Variants in SLC9C1 observed in about 807,000 individuals in gnomAD.
The protein encoded by SLC9C1 is solute carrier family 9 member C1.
A neutral mutation model predicts 140.9 loss-of-function variants in SLC9C1; 97 were observed. That is an observed-to-expected ratio of 0.69 (90% CI 0.58 to 0.82). SLC9C1 has a LOEUF of 0.82. SLC9C1 is among the 40% of genes least tolerant of loss of function. SLC9C1 has a pLI of 0.00. For missense variants in SLC9C1, 1,340 were observed against 1,389.3 expected (o/e 0.96, Z 0.56); for synonymous variants, 440 against 442.6 (o/e 0.99, Z 0.07).
intron 26 of SLC9C1, among the ~76,000 whole-genome samples, chr3:112,158,155 G>T (rs1180237524): frequency 2.6e-5 from 4 of 151,840 alleles, no homozygotes; most frequent in Non-Finnish European, 5.9e-5. Context: ...TTGAGGGTTT[G>T]CCACATATGT....
intron 26 of SLC9C1, among the ~76,000 whole-genome samples, chr3:112,163,578 G>A (rs555898763): frequency 0.025 from 3,743 of 152,046 alleles, 61 homozygotes; most frequent in Non-Finnish European, 0.034. Flanking sequence ...ATAGTTGAGC[G>A]GTTTTGAGTG....
At chr3:112,156,159 C>G (rs1053571150) in intron 26 of SLC9C1, among the ~76,000 whole-genome samples, 1 of 152,054 alleles carries the variant, frequency 6.6e-6, no homozygotes, top group Admixed American at 6.6e-5. Context: ...TCTCCTTTCC[C>G]TTTCCTTCTC....
At chr3:112,204,065 T>C (rs140759290) in intron 17 of SLC9C1, among the ~76,000 whole-genome samples, 153 bp downstream of exon 17, 1 of 152,120 alleles carries the variant, frequency 6.6e-6, no homozygotes, top group African/African-American at 2.4e-5. Context: ...TGAAATGTTA[T>C]GAAACTTAAT....
intron 17 of SLC9C1, 137 bp downstream of exon 17, chr3:112,204,081 A>AAAGG (rs1269912177): frequency 2.0e-6 from 2 of 992,950 alleles, no homozygotes; most frequent in African/African-American, 3.4e-5. Context: ...TTAATTTGCC[A>AAAGG]AAGGAAGCTA....
At chr3:112,155,463 A>G (rs1316293141) in intron 26 of SLC9C1, among the ~76,000 whole-genome samples, 2 of 152,210 alleles carry the variant, frequency 1.3e-5, no homozygotes, top group South Asian at 4.1e-4. Context: ...ATGACGTGGT[A>G]AAAACAGGAC....
chr3:112,257,459 C>T (rs951411629), intron 10 of SLC9C1, among the ~76,000 whole-genome samples: 105 of 152,240 alleles, frequency 6.9e-4, no homozygotes, highest in Non-Finnish European at 2.1e-4. Context: ...AAAGGACTCC[C>T]TATTCAATAA....
rs1429016887 is a variant in SLC9C1, at chr3:112,221,189, A to G, written c.1609T>C (p.Ser537Pro). 1.2e-6 allele frequency: 2 copies of G among 1,613,702 alleles called. No homozygotes were observed. Among genetic ancestry groups the G allele is most frequent in the Admixed American group, 1.7e-5 (1 of 59,960 alleles). Residue 537 changes from serine to proline, a missense_variant, in exon 14 of 29, where the codon TCC (serine) becomes CCC (proline). By Grantham distance (74) the Ser-to-Pro change is moderately conservative. Coordinates refer to ENST00000305815, the MANE Select transcript of SLC9C1 (RefSeq NM_183061.3). Reference protein sequence around the residue: ...YQRQYRNEILSQSAVQVLVGA... With the variant: ...YQRQYRNEILPQSAVQVLVGA... ...ACCAACACCTGGACAGCACTCTGGG[A>G]CAGAATCTCATTCCTGTATTGTCTC...
At chr3:112,252,255 A>G (rs1391809295) in intron 10 of SLC9C1, among the ~76,000 whole-genome samples, 2 of 152,136 alleles carry the variant, frequency 1.3e-5, no homozygotes, top group Non-Finnish European at 2.9e-5. Context: ...CTCTATGGAT[A>G]AACAGCCAGA....
chr3:112,220,574 GC>G lies in SLC9C1; in HGVS notation c.1670+553del, dbSNP rs561033606. 1.8e-4 allele frequency among the ~76,000 whole-genome samples: 27 copies of G among 152,284 alleles called. No homozygotes were observed. In the South Asian group the frequency reaches 5.6e-3, roughly 32 times the overall value. On this transcript the variant is annotated intron_variant, in intron 14 of 28. Coordinates refer to ENST00000305815, the MANE Select transcript of SLC9C1 (RefSeq NM_183061.3). ...GCACTGCAGTTTAACCCCCCTCTTT[GC>G]CCAATCATAGATCCAGCATTCCTCC...
Position 112,161,526 on chromosome 3 carries a change from G to T in SLC9C1, c.3364+5695C>A, listed in dbSNP as rs574632859. ...TTCCCAGCACCATTTATTAAATAGG[G>T]AATCCTTTCCTCATTGCTTATTTTT... On this transcript the variant is annotated intron_variant, in intron 26 of 28. Coordinates refer to ENST00000305815, the MANE Select transcript of SLC9C1 (RefSeq NM_183061.3). Among the ~76,000 whole-genome samples, 948 of 152,240 alleles carry T rather than the reference G, an allele frequency of 6.2e-3. 14 individuals carry two copies. Among genetic ancestry groups the T allele is most frequent in the African/African-American group, 0.022 (907 of 41,524 alleles).
At position 112,280,382 on chromosome 3, in the gene SLC9C1, T is replaced by C. The variant is rs535587950; in HGVS notation, c.189+301A>G. On this transcript the variant is annotated intron_variant, in intron 3 of 28. Transcript: ENST00000305815. ...GCTCCTATGTCATTAGCCATTTTTT[T>C]CCCAAGCTTTTAAAATCTGTTTAAC... 1.6e-3 allele frequency among the ~76,000 whole-genome samples: 237 copies of C among 152,212 alleles called. 1 individual carries two copies. The highest frequency in any genetic ancestry group is 1.3e-3 in the Non-Finnish European group (86 of 68,010).
chr3:112,167,773 G>A (rs969214058), intron 25 of SLC9C1, among the ~76,000 whole-genome samples: 2 of 151,898 alleles, frequency 1.3e-5, no homozygotes, highest in African/African-American at 4.8e-5. Flanking sequence ...AATCACACTG[G>A]TACCCAAATC....
chr3:112,154,098 T>G (rs2075060642), intron 27 of SLC9C1, among the ~76,000 whole-genome samples: 1 of 6,786 alleles, frequency 1.5e-4, no homozygotes, highest in Non-Finnish European at 0.011. Context: ...GGAGTGTCTG[T>G]TCTCAGGTTT....
intron 6 of SLC9C1, 100 bp from the exon 7 acceptor site, chr3:112,270,177 A>G: frequency 8.2e-7 from 1 of 1,212,586 alleles, no homozygotes; most frequent in Non-Finnish European, 1.1e-6. Context: ...TATCTTTAAA[A>G]TTAGCTAACT....
chr3:112,275,544 C>T (rs1317050932), intron 5 of SLC9C1, among the ~76,000 whole-genome samples: 8 of 151,150 alleles, frequency 5.3e-5, no homozygotes, highest in Admixed American at 4.6e-4. Flanking sequence ...CCAAATTTTC[C>T]TCTATTTATG....
chr3:112,231,348 A>G lies in SLC9C1; in HGVS notation c.1572+13T>C. 6.2e-7 allele frequency: 1 copy of G among 1,611,972 alleles called. No homozygotes were observed. Among genetic ancestry groups the G allele is most frequent in the Non-Finnish European group, 8.5e-7 (1 of 1,179,202 alleles). ...TTGGCCAAACATAATTTCAAAAGAGAATAATACAGTACTATTTGTGCTGAC... is the reference window on the plus strand; with the variant it reads ...TTGGCCAAACATAATTTCAAAAGAGGATAATACAGTACTATTTGTGCTGAC... On this transcript the variant is annotated intron_variant, in intron 13 of 28. Transcript: ENST00000305815.
rs2074861923 is a variant in SLC9C1 at position 112,148,283 on chromosome 3, A to T, written c.3524+3574T>A. On this transcript the variant is annotated intron_variant, in intron 28 of 28. Coordinates refer to ENST00000305815, the MANE Select transcript of SLC9C1 (RefSeq NM_183061.3). ...CTCTGAGTTTACATTTTGGTTAGGGACCATTGCTGGAGAGCTAGTGAAATC... is the reference window on the plus strand; with the variant it reads ...CTCTGAGTTTACATTTTGGTTAGGGTCCATTGCTGGAGAGCTAGTGAAATC... Among the ~76,000 whole-genome samples, 5 of 152,152 alleles carry T rather than the reference A, an allele frequency of 3.3e-5. No individual in the cohort carries two copies. The South Asian group carries it at 1.0e-3, about 32-fold the overall frequency.
Position 112,244,020 on chromosome 3 carries a change from A to G in SLC9C1, c.1254T>C (p.Ile418=). Residue 418 remains isoleucine, a synonymous_variant, in exon 11 of 29, where the codon ATT becomes ATC. Transcript: ENST00000305815. ...CTAGTATAGTAACTGCCACTGGCAA[A>G]ATAAATCTATTGACAACAAGGGTTA... is the stretch of plus-strand genomic sequence containing the variant. ...CLITLVVNRF[I]LPVAVTILGL... The G allele has an allele frequency of 6.2e-7, 1 of 1,607,610 alleles. No individual in the cohort carries two copies. Among genetic ancestry groups the G allele is most frequent in the Non-Finnish European group, 8.5e-7 (1 of 1,176,334 alleles).
At chr3:112,291,859 A>C (rs2080693042) in intron 1 of SLC9C1, among the ~76,000 whole-genome samples, 1 of 152,268 alleles carries the variant, frequency 6.6e-6, no homozygotes, top group African/African-American at 2.4e-5. Context: ...AAAGTCATAG[A>C]ATCAACCCAA....
Sources: gnomAD v4.1 joint callset for allele counts (sites outside exome capture counted in the v4.1 genomes callset) on GRCh38, gnomAD v4.1.1 for gene constraint, MANE v1.5 for transcripts, NCBI Gene and HGNC (gene_info 2026-07-23, HGNC 2026-07-21) for gene names.